Variants in NRCAM observed in about 807,000 individuals in gnomAD.
The protein encoded by NRCAM is neuronal cell adhesion molecule, also known as NgCAM-related cell adhesion molecule.
In NRCAM, 83 loss-of-function variants were observed where a neutral mutation model predicts 156.5. The observed-to-expected ratio is 0.53, with a 90% CI of 0.44 to 0.64. NRCAM has a LOEUF of 0.64. Among genes scored for constraint, NRCAM ranks in the 30% least tolerant of loss-of-function variants. The pLI, the probability that NRCAM is intolerant of heterozygous loss-of-function variation, is 0.00. For synonymous variants in NRCAM, 538 were observed against 563.9 expected, an observed-to-expected ratio of 0.95 and a Z score of 0.65; for missense variants, 1,417 against 1,597.3, an observed-to-expected ratio of 0.89 and a Z score of 1.92.
At chr7:108,451,970 TA>T (rs1382680068) in intron 1 of NRCAM, among the ~76,000 whole-genome samples, 1 of 152,192 alleles carries the variant, frequency 6.6e-6, no homozygotes, top group Non-Finnish European at 1.5e-5. Context: ...TATTTTACAA[TA>T]AAAAACTTAG....
At chr7:108,201,959 A>T (rs767207559) in intron 13 of NRCAM, among the ~76,000 whole-genome samples, 7 of 152,226 alleles carry the variant, frequency 4.6e-5, no homozygotes, top group Non-Finnish European at 7.3e-5. Context: ...TCACGGTGAC[A>T]TATGGAGGCT....
chr7:108,252,414 G>C (rs2096403363), intron 3 of NRCAM, among the ~76,000 whole-genome samples: 1 of 152,244 alleles, frequency 6.6e-6, no homozygotes, highest in Non-Finnish European at 1.5e-5. Flanking sequence ...CCTTGCTAGA[G>C]TATAAAACAC....
chr7:108,326,204 C>A (rs2099066861), intron 2 of NRCAM, among the ~76,000 whole-genome samples: 1 of 152,162 alleles, frequency 6.6e-6, no homozygotes, highest in Admixed American at 6.5e-5. Flanking sequence ...AAAGATACAT[C>A]TAATTCTATG....
intron 2 of NRCAM, among the ~76,000 whole-genome samples, chr7:108,334,030 T>C (rs2099153599): frequency 6.6e-6 from 1 of 152,208 alleles, no homozygotes; most frequent in South Asian, 2.1e-4. Flanking sequence ...CAAATATTTT[T>C]CATATTGCTA....
intron 3 of NRCAM, among the ~76,000 whole-genome samples, chr7:108,256,343 G>C (rs2096660734): frequency 6.8e-6 from 1 of 147,440 alleles, no homozygotes; most frequent in African/African-American, 2.6e-5. Context: ...CGTGCTCTCT[G>C]AAACATGTGC....
At chr7:108,386,251 C>T (rs2099740585) in intron 2 of NRCAM, among the ~76,000 whole-genome samples, 2 of 152,144 alleles carry the variant, frequency 1.3e-5, no homozygotes. Context: ...TACTATTTGA[C>T]AAAACATGCC....
At chr7:108,433,525 A>C (rs1184613159) in intron 1 of NRCAM, among the ~76,000 whole-genome samples, 2 of 152,216 alleles carry the variant, frequency 1.3e-5, no homozygotes, top group African/African-American at 2.4e-5. Flanking sequence ...ATTCAGGCCT[A>C]AAGGAAGGTT....
intron 2 of NRCAM, among the ~76,000 whole-genome samples, chr7:108,341,942 G>A (rs2099284582): frequency 2.0e-5 from 3 of 152,162 alleles, no homozygotes; most frequent in Non-Finnish European, 2.9e-5. Flanking sequence ...AATACCATAG[G>A]AAGCAGAGTG....
intron 13 of NRCAM, 123 bp from the exon 14 acceptor site, chr7:108,198,222 A>G: frequency 1.5e-6 from 1 of 656,464 alleles, no homozygotes; most frequent in Non-Finnish European, 2.4e-6. Flanking sequence ...GAATAAGACT[A>G]GAATTTAGGC....
chr7:108,225,887 GCAGA>G (rs1325878496), intron 9 of NRCAM, among the ~76,000 whole-genome samples, 186 bp from the exon 10 acceptor site: 1 of 152,184 alleles, frequency 6.6e-6, no homozygotes, highest in Non-Finnish European at 1.5e-5. Flanking sequence ...CCAGGAATAT[GCAGA>G]CATTTAACTT....
rs1413232412 is a variant in NRCAM, at chr7:108,344,422, G to T, written c.-173-31691C>A. On this transcript the variant is annotated intron_variant, in intron 2 of 32. Coordinates refer to ENST00000379028, the MANE Select transcript of NRCAM (RefSeq NM_001037132.4). ...AAACCCAGGCATTCGAGCTGGCAAT[G>T]GCTATGCTCTTCGGGTCCCCTCCTT... is the stretch of plus-strand genomic sequence containing the variant. 2.0e-5 allele frequency among the ~76,000 whole-genome samples: 3 copies of T among 152,130 alleles called. No individual in the cohort carries two copies. In the East Asian group the frequency reaches 5.8e-4, roughly 29 times the overall value.
Position 108,151,754 on chromosome 7 carries a change from C to T in NRCAM, c.3678-1607G>A, listed in dbSNP as rs2041795224. 2.6e-5 allele frequency among the ~76,000 whole-genome samples: 4 copies of T among 152,278 alleles called. No homozygotes were observed. In the South Asian group the frequency reaches 6.2e-4, roughly 24 times the overall value. On this transcript the variant is annotated intron_variant, in intron 32 of 32. Coordinates refer to ENST00000379028, the MANE Select transcript of NRCAM (RefSeq NM_001037132.4). ...GTTATGAAAATAGCCTACACAACAT[C>T]TCTGGGGTTTAATTATTAAATCCTT...
chr7:108,443,299 AACAG>A (rs1840646788), intron 1 of NRCAM, among the ~76,000 whole-genome samples: 1 of 152,206 alleles, frequency 6.6e-6, no homozygotes, highest in African/African-American at 2.4e-5. Context: ...GGGAATGAAG[AACAG>A]ACATTCACAC....
chr7:108,175,408 A>T, intron 27 of NRCAM, 51 bp from the exon 28 acceptor site: 2 of 1,458,892 alleles, frequency 1.4e-6, no homozygotes, highest in East Asian at 4.9e-5. Context: ...GATGTAACAC[A>T]CCCATGAGCA....
Position 108,329,483 on chromosome 7 carries a change from AG to A in NRCAM, c.-173-16753del, listed in dbSNP as rs554082620. Reference sequence around the variant, plus strand: ...TCTCTGGAAAAACTTCAAGAGAAGCAGGTTTATAACTCATTCACCAGCTATG... The same window carrying A: ...TCTCTGGAAAAACTTCAAGAGAAGCAGTTTATAACTCATTCACCAGCTATG... On this transcript the variant is annotated intron_variant, in intron 2 of 32. Transcript: ENST00000379028. Among the ~76,000 whole-genome samples, 82 of 152,348 alleles carry A rather than the reference AG, an allele frequency of 5.4e-4. No individual in the cohort carries two copies. In the South Asian group the frequency reaches 0.013, roughly 25 times the overall value.
intron 3 of NRCAM, among the ~76,000 whole-genome samples, chr7:108,275,625 C>G (rs1192078830): frequency 2.0e-5 from 3 of 152,018 alleles, no homozygotes; most frequent in African/African-American, 7.2e-5. Context: ...ATTCTTCTCT[C>G]TTTTCTTTAT....
intron 32 of NRCAM, among the ~76,000 whole-genome samples, chr7:108,152,307 T>C (rs1462684559): frequency 6.6e-6 from 1 of 151,628 alleles, no homozygotes; most frequent in African/African-American, 2.4e-5. Context: ...GCAAGGTGAA[T>C]AGTTGGAGGG....
intron 1 of NRCAM, among the ~76,000 whole-genome samples, chr7:108,411,995 C>G (rs1048328870): frequency 6.6e-6 from 1 of 152,062 alleles, no homozygotes; most frequent in South Asian, 2.1e-4. Context: ...ATACACAGAT[C>G]CCCCAAAATG....
chr7:108,437,439 A>T (rs2154476625), intron 1 of NRCAM, among the ~76,000 whole-genome samples: 1 of 152,350 alleles, frequency 6.6e-6, no homozygotes, highest in Admixed American at 6.5e-5. Context: ...GTATAATTAG[A>T]TAGTTTGTAA....
Sources: allele counts gnomAD v4.1 joint callset (sites outside exome capture counted in the v4.1 genomes callset), GRCh38; gene constraint gnomAD v4.1.1; transcripts MANE v1.5; gene names NCBI Gene and HGNC (gene_info 2026-07-23, HGNC 2026-07-21).